The following LOC128462377 variants were observed in gnomAD, a reference collection of about 807,000 sequenced individuals.
At chr16:89,406,846 G>C in the LOC128462377 span, among the ~76,000 whole-genome samples, 1 of 152,200 alleles carries the variant, frequency 6.6e-6, no homozygotes, top group Non-Finnish European at 1.5e-5. Context: ...GAATATGGAA[G>C]GGGAAAAGGA....
the LOC128462377 span, among the ~76,000 whole-genome samples, chr16:89,323,574 G>T: frequency 2.2e-5 from 1 of 45,872 alleles, no homozygotes; most frequent in Non-Finnish European, 5.7e-5. Context: ...AAGGGCACGG[G>T]GGCTAAGCCC....
the LOC128462377 span, among the ~76,000 whole-genome samples, chr16:89,398,999 A>G: frequency 1.3e-5 from 2 of 152,272 alleles, no homozygotes; most frequent in Admixed American, 1.3e-4. Flanking sequence ...TCAGTTTTTT[A>G]AAATTGTTAA....
chr16:89,374,425 T>C, the LOC128462377 span, among the ~76,000 whole-genome samples: 2 of 151,958 alleles, frequency 1.3e-5, no homozygotes, highest in African/African-American at 2.4e-5. Flanking sequence ...AGCTGAACGA[T>C]ACAACAGGAA....
chr16:89,333,443 T>C, the LOC128462377 span, among the ~76,000 whole-genome samples: 6 of 152,184 alleles, frequency 3.9e-5, no homozygotes, highest in Admixed American at 2.0e-4. Flanking sequence ...GAACGTATCC[T>C]GATGTGGACC....
At chr16:89,396,867 A>G in the LOC128462377 span, among the ~76,000 whole-genome samples, 1 of 152,144 alleles carries the variant, frequency 6.6e-6, no homozygotes, top group East Asian at 1.9e-4. Context: ...TTATATTTTT[A>G]GTAAAGACGG....
chr16:89,318,048 T>C, the LOC128462377 span, among the ~76,000 whole-genome samples: 1 of 152,216 alleles, frequency 6.6e-6, no homozygotes, highest in Non-Finnish European at 1.5e-5. Context: ...CCTCTCTTTC[T>C]GCAGGAAACC....
chr16:89,365,674 G>A, the LOC128462377 span, among the ~76,000 whole-genome samples: 1 of 152,148 alleles, frequency 6.6e-6, no homozygotes, highest in Non-Finnish European at 1.5e-5. Flanking sequence ...TTCTTCCTGG[G>A]CAGTGTCTGT....
chr16:89,379,621 A>G, the LOC128462377 span, among the ~76,000 whole-genome samples: 2 of 152,192 alleles, frequency 1.3e-5, no homozygotes, highest in Non-Finnish European at 1.5e-5. Context: ...ACTTGAGCTT[A>G]CAGTTTTCTG....
chr16:89,384,466 C>T, the LOC128462377 span, among the ~76,000 whole-genome samples: 2 of 150,412 alleles, frequency 1.3e-5, no homozygotes, highest in Non-Finnish European at 2.9e-5. Context: ...TGAAATGGGA[C>T]AGGACAAGAT....
chr16:89,343,880 C>T, the LOC128462377 span: 1 of 152,276 alleles, frequency 6.6e-6, no homozygotes, highest in South Asian at 2.1e-4. Flanking sequence ...CATGGACCAA[C>T]AGAGTAGGGA....
chr16:89,332,133 A>G, the LOC128462377 span, among the ~76,000 whole-genome samples: 1,174 of 152,336 alleles, frequency 7.7e-3, 63 homozygotes, highest in Admixed American at 0.069. Flanking sequence ...ATATTAAAAA[A>G]AAAAGATAAT....
the LOC128462377 span, among the ~76,000 whole-genome samples, chr16:89,333,856 T>C: frequency 4.6e-5 from 7 of 152,250 alleles, no homozygotes; most frequent in South Asian, 1.5e-3. Context: ...AGGGACGGTA[T>C]TATTCTGTGA....
chr16:89,348,292 T>C, the LOC128462377 span, among the ~76,000 whole-genome samples: 2 of 152,236 alleles, frequency 1.3e-5, no homozygotes, highest in African/African-American at 2.4e-5. Flanking sequence ...ATTTTCCTTA[T>C]GTCAATATGG....
chr16:89,413,534 A>C, the LOC128462377 span, among the ~76,000 whole-genome samples: 1,816 of 152,312 alleles, frequency 0.012, 53 homozygotes, highest in Admixed American at 0.056. Context: ...CTGAGGCAGG[A>C]GAATGGCGTG....
At chr16:89,342,558 G>A in the LOC128462377 span, among the ~76,000 whole-genome samples, 2 of 152,242 alleles carry the variant, frequency 1.3e-5, no homozygotes, top group Admixed American at 6.5e-5. Flanking sequence ...CCACGTGCCT[G>A]AGCAGGATAT....
the LOC128462377 span, among the ~76,000 whole-genome samples, chr16:89,357,629 ATG>A: frequency 6.6e-6 from 1 of 152,192 alleles, no homozygotes; most frequent in Non-Finnish European, 1.5e-5. Flanking sequence ...CCCCTGGCGG[ATG>A]ACAGAGAAGC....
the LOC128462377 span, among the ~76,000 whole-genome samples, chr16:89,385,811 C>T: frequency 6.6e-6 from 1 of 152,244 alleles, no homozygotes; most frequent in African/African-American, 2.4e-5. Flanking sequence ...TCACCCCCGC[C>T]GCTGCGCAGC....
the LOC128462377 span, chr16:89,360,706 T>TC: frequency 7.6e-4 from 116 of 152,312 alleles, 1 homozygote; most frequent in African/African-American, 2.7e-3. Flanking sequence ...ATACGTGGAC[T>TC]CCCTTTCAAA....
the LOC128462377 span, chr16:89,324,097 G>A: frequency 7.3e-6 from 3 of 408,576 alleles, no homozygotes; most frequent in South Asian, 2.8e-5. Context: ...TGATCTGCCG[G>A]CCTCGGCCTC....
Sources: gnomAD v4.1 joint callset for allele counts (sites outside exome capture counted in the v4.1 genomes callset) on GRCh38, gnomAD v4.1.1 for gene constraint, MANE v1.5 for transcripts.